The following STK10 variants were observed in gnomAD, a reference collection of about 807,000 sequenced individuals.
STK10 encodes serine/threonine kinase 10.
STK10 carries 78 observed loss-of-function variants against 113.8 expected under a neutral mutation model. The observed-to-expected ratio is 0.69, with a 90% CI of 0.57 to 0.83. The LOEUF is 0.83. Among genes scored for constraint, STK10 ranks in the 40% least tolerant of loss-of-function variants. The pLI is 0.00. For synonymous variants in STK10, 465 were observed against 494.7 expected, an observed-to-expected ratio of 0.94 and a Z score of 0.80; for missense variants, 1,109 against 1,280.1, an observed-to-expected ratio of 0.87 and a Z score of 2.04.
At chr5:172,069,973 C>A (rs149815139) in intron 12 of STK10, among the ~76,000 whole-genome samples, 3 of 152,246 alleles carry the variant, frequency 2.0e-5, no homozygotes, top group Non-Finnish European at 2.9e-5. Flanking sequence ...ATGGGCCGGG[C>A]GTGGTGGCTC....
intron 7 of STK10, among the ~76,000 whole-genome samples, chr5:172,099,760 C>T (rs919058512): frequency 1.3e-5 from 2 of 152,212 alleles, no homozygotes; most frequent in African/African-American, 4.8e-5. Flanking sequence ...CGCCACAGGA[C>T]GCTTCACTGC....
chr5:172,140,839 A>G (rs2113800896), intron 2 of STK10, among the ~76,000 whole-genome samples: 1 of 152,380 alleles, frequency 6.6e-6, no homozygotes, highest in East Asian at 1.9e-4. Flanking sequence ...AGCACTATTC[A>G]TAAAAGCCGA....
chr5:172,098,162 T>A (rs997235260), intron 7 of STK10, among the ~76,000 whole-genome samples: 53 of 152,274 alleles, frequency 3.5e-4, no homozygotes, highest in African/African-American at 1.2e-3. Context: ...AAAAAACAAA[T>A]TTCTAGCACC....
At chr5:172,151,878 C>T (rs1770241432) in intron 2 of STK10, among the ~76,000 whole-genome samples, 2 of 152,252 alleles carry the variant, frequency 1.3e-5, no homozygotes, top group South Asian at 2.1e-4. Flanking sequence ...CCCTCCACCA[C>T]GCGCCAGCCG....
At chr5:172,146,099 T>A (rs1008964103) in intron 2 of STK10, among the ~76,000 whole-genome samples, 6 of 152,170 alleles carry the variant, frequency 3.9e-5, no homozygotes, top group African/African-American at 1.2e-4. Context: ...TACGCCTTAC[T>A]TTTATTGTCT....
chr5:172,154,290 A>G (rs1770300741), intron 2 of STK10, among the ~76,000 whole-genome samples: 1 of 152,206 alleles, frequency 6.6e-6, no homozygotes, highest in Non-Finnish European at 1.5e-5. Context: ...CACTGCAGTA[A>G]AAGATGGAGG....
chr5:172,133,100 A>T lies in STK10; in HGVS notation c.322-5679T>A, dbSNP rs1386486459. 6.6e-6 allele frequency among the ~76,000 whole-genome samples: 1 copy of T among 152,186 alleles called. No individual in the cohort carries two copies. Among genetic ancestry groups the T allele is most frequent in the African/African-American group, 2.4e-5 (1 of 41,448 alleles). ...GAAGCGGGTAATGGCGGAGCATTCC[A>T]TGGGGTTCCAAAGGATGGGAATCCA... On this transcript the variant is annotated intron_variant, in intron 2 of 18. Transcript: ENST00000176763. The surrounding 1 kb of genome is among the most constrained non-coding windows in gnomAD (Gnocchi z 4.9).
chr5:172,176,349 TC>T (rs1291202431), intron 1 of STK10, among the ~76,000 whole-genome samples: 2 of 152,088 alleles, frequency 1.3e-5, no homozygotes, highest in African/African-American at 4.8e-5. Flanking sequence ...TGCCCTAGAC[TC>T]TTTCATGCCT....
intron 6 of STK10, among the ~76,000 whole-genome samples, chr5:172,105,943 G>C (rs1020282662): frequency 1.3e-5 from 2 of 152,212 alleles, no homozygotes; most frequent in Non-Finnish European, 2.9e-5. Flanking sequence ...CGAGGAGCAG[G>C]GACGTGCCCA....
intron 4 of STK10, among the ~76,000 whole-genome samples, chr5:172,112,009 T>C (rs1003842912): frequency 6.6e-6 from 1 of 152,172 alleles, no homozygotes; most frequent in South Asian, 2.1e-4. Flanking sequence ...GAATGGAAAA[T>C]TGGAAATCAT....
In STK10 at chr5:172,156,646, T is replaced by A. The variant is rs555133914; in HGVS notation, c.299A>T (p.Tyr100Phe). The change falls in exon 2 of 19, where the codon TAC (tyrosine) becomes TTC (phenylalanine). Residue 100 changes from tyrosine to phenylalanine, a missense_variant. Coordinates refer to ENST00000176763, the MANE Select transcript of STK10 (RefSeq NM_005990.4). ...TACCCACAGCTTCCCGTCGTGATAG[T>A]AGGCTCCCAGGAGCTTCACAATGTA... ...HPYIVKLLGA[Y>F]YHDGKLWIMI... 6.2e-7 allele frequency: 1 copy of A among 1,613,842 alleles called. No individual in the cohort carries two copies. The highest frequency in any genetic ancestry group is 2.2e-5 in the East Asian group (1 of 44,892).
At chr5:172,171,765 G>A (rs1011204714) in intron 1 of STK10, among the ~76,000 whole-genome samples, 6 of 89,462 alleles carry the variant, frequency 6.7e-5, no homozygotes, top group Non-Finnish European at 1.5e-4. Context: ...AGAATAGGCT[G>A]GGTCCAGAGT....
In STK10 at chr5:172,187,763, G is replaced by A; in HGVS notation, c.156+124C>T. On this transcript the variant is annotated intron_variant, in intron 1 of 18. Transcript: ENST00000176763. The surrounding 1 kb of genome is among the most constrained non-coding windows in gnomAD (Gnocchi z 4.6). ...CAAGAGTCATCGGGATGAGGGCCAG[G>A]GACCCCGAATTCAGCGCCGGGCAGC... 1.5e-5 allele frequency: 21 copies of A among 1,404,190 alleles called. No individual in the cohort carries two copies. The highest frequency in any genetic ancestry group is 2.0e-5 in the Non-Finnish European group (21 of 1,041,240). 87.0% of individuals were successfully genotyped at this position (1,404,190 alleles called of 1,614,324 possible).
Position 172,091,979 on chromosome 5 carries a change from G to A in STK10, c.1554+1433C>T, listed in dbSNP as rs76864248. Among the ~76,000 whole-genome samples the A allele has an allele frequency of 2.6e-4, 39 of 150,800 alleles. 1 individual carries two copies. Among genetic ancestry groups the A allele is most frequent in the African/African-American group, 8.9e-4 (36 of 40,264 alleles). ...CACTCCTGCTGAGTCGAGAGGGGCA[G>A]ACTGTTTTTGCTCCCTGAGGTCTGG... is the stretch of plus-strand genomic sequence containing the variant. On this transcript the variant is annotated intron_variant, in intron 9 of 18. Coordinates refer to ENST00000176763, the MANE Select transcript of STK10 (RefSeq NM_005990.4).
At chr5:172,164,804 C>T (rs139866140) in intron 1 of STK10, among the ~76,000 whole-genome samples, 26 of 152,302 alleles carry the variant, frequency 1.7e-4, no homozygotes, top group Non-Finnish European at 3.1e-4. Context: ...AAAGAACAAG[C>T]GGCTGTCTGT....
chr5:172,137,107 A>G (rs951006880), intron 2 of STK10, among the ~76,000 whole-genome samples: 2 of 152,034 alleles, frequency 1.3e-5, no homozygotes, highest in African/African-American at 2.4e-5. Context: ...TTCTTAAGAT[A>G]TAAGGACATC....
At chr5:172,144,603 G>T (rs996992806) in intron 2 of STK10, among the ~76,000 whole-genome samples, 1 of 152,154 alleles carries the variant, frequency 6.6e-6, no homozygotes, top group Non-Finnish European at 1.5e-5. Context: ...ACACCCCCAG[G>T]CCTCCCAGGA....
intron 2 of STK10, among the ~76,000 whole-genome samples, chr5:172,154,164 C>A (rs929758496): frequency 6.6e-6 from 1 of 152,206 alleles, no homozygotes; most frequent in African/African-American, 2.4e-5. Context: ...CCTTAAAACG[C>A]CAATTGCTGG....
intron 12 of STK10, among the ~76,000 whole-genome samples, chr5:172,081,363 A>AT (rs1768425061): frequency 4.0e-5 from 6 of 151,826 alleles, no homozygotes; most frequent in Admixed American, 3.9e-4. Context: ...AAAAAAAAAA[A>AT]AAAAAAAAAA....
Sources: gnomAD v4.1 joint callset for allele counts (sites outside exome capture counted in the v4.1 genomes callset) on GRCh38, gnomAD v4.1.1 for gene constraint, Gnocchi (gnomAD v3.1) non-coding constraint, MANE v1.5 for transcripts, NCBI Gene and HGNC (gene_info 2026-07-23, HGNC 2026-07-21) for gene names.